THSD4: variants seen among roughly 807,000 people sequenced by gnomAD.
THSD4 encodes thrombospondin type-1 domain-containing protein 4.
A neutral mutation model predicts 119.0 loss-of-function variants in THSD4; 69 were observed. The ratio of observed to expected loss-of-function variants is 0.58; its 90% CI spans 0.48 to 0.71. THSD4 has a LOEUF of 0.71. THSD4 is among the 30% of genes least tolerant of loss of function. THSD4 has a pLI of 0.00. For synonymous variants in THSD4, 524 were observed against 540.4 expected (o/e 0.97, Z 0.42); for missense variants, 1,393 against 1,391.1 (o/e 1.00, Z -0.02).
chr15:71,541,119 A>G (rs1451444901), intron 7 of THSD4, among the ~76,000 whole-genome samples: 1 of 152,202 alleles, frequency 6.6e-6, no homozygotes, highest in Non-Finnish European at 1.5e-5. Context: ...CAGTGTGGCT[A>G]TTTTTCTAAT....
chr15:71,152,174 G>C (rs987700618), intron 2 of THSD4, among the ~76,000 whole-genome samples: 1 of 152,138 alleles, frequency 6.6e-6, no homozygotes, highest in African/African-American at 2.4e-5. Context: ...TGTAATCCCA[G>C]CACTTTGGGA....
intron 7 of THSD4, among the ~76,000 whole-genome samples, chr15:71,489,069 A>G (rs1250069034): frequency 1.3e-5 from 2 of 152,304 alleles, no homozygotes; most frequent in Non-Finnish European, 2.9e-5. Flanking sequence ...TGGCTGAGGT[A>G]CGTCTTCTAG....
intron 7 of THSD4, among the ~76,000 whole-genome samples, chr15:71,628,185 G>T (rs998327583): frequency 1.3e-5 from 2 of 152,150 alleles, no homozygotes; most frequent in Non-Finnish European, 2.9e-5. Context: ...ATACACTCAG[G>T]GTTGAAAAGG....
At chr15:71,545,940 T>G (rs1235900055) in intron 7 of THSD4, among the ~76,000 whole-genome samples, 2 of 152,160 alleles carry the variant, frequency 1.3e-5, no homozygotes, top group Non-Finnish European at 2.9e-5. Context: ...TGCAGGAAAA[T>G]GCTCATAACC....
intron 7 of THSD4, among the ~76,000 whole-genome samples, chr15:71,478,184 G>A (rs1008333954): frequency 2.0e-5 from 3 of 152,154 alleles, no homozygotes; most frequent in African/African-American, 7.2e-5. Flanking sequence ...TTTTGGTTCT[G>A]TGAATGCCAT....
At chr15:71,312,623 C>CTAACCTGCCAAGCCACACATGATCATA (rs1191974671) in intron 6 of THSD4, among the ~76,000 whole-genome samples, 6 of 152,176 alleles carry the variant, frequency 3.9e-5, no homozygotes, top group East Asian at 3.9e-4. Flanking sequence ...GAAAACTCCT[C>CTAACCTGCCAAGCCACACATGATCATA]TAACCTGCCA....
chr15:71,657,665 C>G (rs1032487126), intron 7 of THSD4, among the ~76,000 whole-genome samples: 1 of 152,188 alleles, frequency 6.6e-6, no homozygotes, highest in Non-Finnish European at 1.5e-5. Context: ...TCCCGGTAGA[C>G]AGGCTGTCAC....
chr15:71,364,657 C>CA (rs2045933134), intron 6 of THSD4, among the ~76,000 whole-genome samples: 1 of 152,202 alleles, frequency 6.6e-6, no homozygotes, highest in Non-Finnish European at 1.5e-5. Flanking sequence ...TGTACATCAA[C>CA]GTTTCCAGAT....
At chr15:71,265,145 C>CT (rs758361502) in intron 6 of THSD4, among the ~76,000 whole-genome samples, 16 of 152,012 alleles carry the variant, frequency 1.1e-4, no homozygotes, top group Non-Finnish European at 2.2e-4. Context: ...TAGTGGAACA[C>CT]TAACAGTGGT....
intron 6 of THSD4, among the ~76,000 whole-genome samples, chr15:71,333,671 T>C (rs1332311955): frequency 6.6e-6 from 1 of 152,118 alleles, no homozygotes; most frequent in Non-Finnish European, 1.5e-5. Context: ...AGGGTACAAA[T>C]GGTTGTGACT....
rs571219228 is a variant in THSD4 at position 71,319,799 on chromosome 15, G to A, written c.1015+63084G>A. On this transcript the variant is annotated intron_variant, in intron 6 of 17. Transcript: ENST00000261862. The stretch of plus-strand genomic sequence containing the variant: ...GTGCTGCCCTGTTAAAAGTCAGTTA[G>A]GATGGCCCTGAATGTGAGTTTTGCT... 2.6e-5 allele frequency among the ~76,000 whole-genome samples: 4 copies of A among 152,222 alleles called. No individual in the cohort carries two copies. In the East Asian group the frequency reaches 5.8e-4, roughly 22 times the overall value.
chr15:71,532,243 C>G lies in THSD4; in HGVS notation c.1152+120420C>G, dbSNP rs75048066. The stretch of plus-strand genomic sequence containing the variant: ...CAATGCCAACACTAAACTCTTAGCA[C>G]TGACTGAAACAACAAAGGGTGAGAG... On this transcript the variant is annotated intron_variant, in intron 7 of 17. Transcript: ENST00000261862. 6.3e-3 allele frequency among the ~76,000 whole-genome samples: 827 copies of G among 130,442 alleles called. 13 individuals are homozygous for G. Among genetic ancestry groups the G allele is most frequent in the Non-Finnish European group, 7.9e-3 (473 of 59,916 alleles). 85.6% of individuals were successfully genotyped at this position (130,442 alleles called of 152,430 possible).
At chr15:71,394,454 G>C (rs1235250831) in intron 6 of THSD4, among the ~76,000 whole-genome samples, 2 of 152,038 alleles carry the variant, frequency 1.3e-5, no homozygotes, top group Non-Finnish European at 2.9e-5. Context: ...TGTATTTTTA[G>C]TAGAGACGGT....
chr15:71,167,810 C>G (rs192185799), intron 3 of THSD4, among the ~76,000 whole-genome samples: 108 of 152,176 alleles, frequency 7.1e-4, no homozygotes, highest in African/African-American at 2.6e-3. Flanking sequence ...CTTTTTTTCT[C>G]AATACAATGG....
At chr15:71,200,654 A>C (rs2043795896) in intron 3 of THSD4, among the ~76,000 whole-genome samples, 1 of 152,172 alleles carries the variant, frequency 6.6e-6, no homozygotes, top group African/African-American at 2.4e-5. Context: ...GTAACCAAAT[A>C]GTTTTTTTCT....
chr15:71,589,460 A>G (rs1435594490), intron 7 of THSD4, among the ~76,000 whole-genome samples: 1 of 137,974 alleles, frequency 7.2e-6, no homozygotes. Flanking sequence ...GGTTCAAGGG[A>G]TCCTCCCACT....
chr15:71,442,125 A>AT (rs1210538460), intron 7 of THSD4, among the ~76,000 whole-genome samples: 1 of 151,922 alleles, frequency 6.6e-6, no homozygotes, highest in Non-Finnish European at 1.5e-5. Flanking sequence ...TACCCAGCTA[A>AT]TTTTTTTGTA....
intron 2 of THSD4, among the ~76,000 whole-genome samples, chr15:71,151,467 T>A (rs1323521213): frequency 1.3e-5 from 2 of 152,206 alleles, no homozygotes; most frequent in South Asian, 4.1e-4. Flanking sequence ...TGATTCACAT[T>A]TTTAGGCCTG....
intron 7 of THSD4, among the ~76,000 whole-genome samples, chr15:71,563,407 A>G (rs1440892945): frequency 6.6e-6 from 1 of 152,200 alleles, no homozygotes; most frequent in East Asian, 1.9e-4. Flanking sequence ...GGCAATTAAA[A>G]TCACAAATAT....
Sources: gnomAD v4.1 joint callset for allele counts (sites outside exome capture counted in the v4.1 genomes callset) on GRCh38, gnomAD v4.1.1 for gene constraint, MANE v1.5 for transcripts, NCBI Gene and HGNC (gene_info 2026-07-23, HGNC 2026-07-21) for gene names.